MCF2L: variants seen among roughly 807,000 people sequenced by gnomAD.
The protein encoded by MCF2L is guanine nucleotide exchange factor DBS.
Under a neutral mutation model 153.4 loss-of-function variants are expected in MCF2L, and 97 were observed. The observed-to-expected ratio is 0.63, with a 90% confidence interval of 0.54 to 0.75. The LOEUF is 0.75. Ranked by LOEUF, MCF2L falls within the 30% of genes least tolerant of loss-of-function variation. The probability of loss-of-function intolerance (pLI) is 0.00; values close to 1 mark genes in which losing one functional copy is unlikely to be tolerated. For synonymous variants in MCF2L, 659 were observed against 632.2 expected (o/e 1.04, Z -0.64); for missense variants, 1,347 against 1,495.2 (o/e 0.90, Z 1.64).
intron 7 of MCF2L, 136 bp downstream of exon 7, chr13:113,065,221 G>C: frequency 9.4e-7 from 1 of 1,058,346 alleles, no homozygotes; most frequent in African/African-American, 1.6e-5. Context: ...AGACCAAGAA[G>C]TCAGCAGGCT....
chr13:113,078,040 C>A (rs897712626), intron 13 of MCF2L, among the ~76,000 whole-genome samples: 2 of 152,226 alleles, frequency 1.3e-5, no homozygotes, highest in Non-Finnish European at 2.9e-5. Flanking sequence ...CGTCCTCCCC[C>A]TTCCCGCACC....
chr13:113,084,146 C>T (rs1390979799), intron 18 of MCF2L, 79 bp downstream of exon 18: 2 of 1,139,804 alleles, frequency 1.8e-6, no homozygotes, highest in Non-Finnish European at 2.7e-6. Flanking sequence ...ACTGCAAGTT[C>T]CTATTCTAAC....
intron 1 of MCF2L, among the ~76,000 whole-genome samples, chr13:112,999,412 A>G (rs2083270755): frequency 6.6e-6 from 1 of 152,232 alleles, no homozygotes; most frequent in South Asian, 2.1e-4. Flanking sequence ...CTTAGAGGAC[A>G]GCCTCTGGCA....
upstream of MCF2L, among the ~76,000 whole-genome samples, chr13:112,967,333 C>T (rs894407087): frequency 6.6e-5 from 10 of 152,110 alleles, no homozygotes; most frequent in African/African-American, 2.2e-4. Context: ...GCCCAGGGAA[C>T]GCTTGTCCAC....
At chr13:113,086,709 C>G (rs974528204) in intron 21 of MCF2L, among the ~76,000 whole-genome samples, 1 of 152,076 alleles carries the variant, frequency 6.6e-6, no homozygotes, top group Non-Finnish European at 1.5e-5. Context: ...ATCTTTTGTC[C>G]GTCTTTATGT....
At chr13:113,007,025 C>T (rs1281496231) in intron 1 of MCF2L, among the ~76,000 whole-genome samples, 1 of 152,158 alleles carries the variant, frequency 6.6e-6, no homozygotes, top group Non-Finnish European at 1.5e-5. Flanking sequence ...CGTCCCTCAT[C>T]CTGAAACCCG....
intron 4 of MCF2L, among the ~76,000 whole-genome samples, chr13:113,059,600 C>T (rs2031023006): frequency 1.3e-5 from 2 of 152,202 alleles, no homozygotes; most frequent in Non-Finnish European, 2.9e-5. Flanking sequence ...CATCACTGCA[C>T]GTCTGTCATC....
intron 1 of MCF2L, among the ~76,000 whole-genome samples, chr13:113,000,951 C>G (rs1308055428): frequency 6.6e-6 from 1 of 152,102 alleles, no homozygotes; most frequent in Admixed American, 6.5e-5. Flanking sequence ...GACTCCAGCA[C>G]TGGGTGTGAT....
chr13:112,968,099 T>G, upstream of MCF2L: 1 of 159,360 alleles, frequency 6.3e-6, no homozygotes, highest in Middle Eastern at 2.7e-3. Flanking sequence ...CTGCTGGAAT[T>G]CTCTCTCTCT....
chr13:112,935,252 G>A (rs1226650769), intron 2 of MCF2L, among the ~76,000 whole-genome samples: 1 of 152,102 alleles, frequency 6.6e-6, no homozygotes, highest in East Asian at 1.9e-4. Flanking sequence ...TAAATTACAT[G>A]AGATATTCCA....
At chr13:113,014,384 T>G (rs761324508) in intron 1 of MCF2L, among the ~76,000 whole-genome samples, 11 of 152,120 alleles carry the variant, frequency 7.2e-5, no homozygotes, top group Non-Finnish European at 1.5e-4. Flanking sequence ...GCCTGAACAT[T>G]TTCCCTAATG....
chr13:113,074,573 G>A lies in MCF2L; in HGVS notation c.1116+10G>A, dbSNP rs61966397. ...CGAGGAGAAATCAGGCGTAAGGCGGGGTCCCGGCGGGGGCGGCGGGAGAGT... is the reference window on the plus strand; with the variant it reads ...CGAGGAGAAATCAGGCGTAAGGCGGAGTCCCGGCGGGGGCGGCGGGAGAGT... On this transcript the variant is annotated intron_variant, in intron 10 of 29. Coordinates refer to ENST00000535094, the MANE Select transcript of MCF2L (RefSeq NM_001112732.3). This position sits in a 1 kb window ranked among gnomAD's most constrained non-coding sequence, Gnocchi z 4.2. The A allele has an allele frequency of 4.4e-4, 707 of 1,611,976 alleles. 4 individuals carry two copies. The African/African-American group carries it at 8.8e-3, about 20-fold the overall frequency.
rs557932134 is a variant in MCF2L at position 112,982,455 on chromosome 13, G to A, written c.79+12997G>A. On this transcript the variant is annotated intron_variant, in intron 1 of 29. Transcript: ENST00000535094. ...TAGGGATGGAGCGAGCCCAGGCTCC[G>A]TGGCAGGTGGCCGGGGGCATCTCCC... Among the ~76,000 whole-genome samples, 16 of 152,328 alleles carry A rather than the reference G, an allele frequency of 1.1e-4. No homozygotes were observed. The East Asian group carries it at 1.4e-3, about 13-fold the overall frequency.
chr13:113,013,396 TC>T (rs1057183342), intron 1 of MCF2L, among the ~76,000 whole-genome samples: 1 of 151,468 alleles, frequency 6.6e-6, no homozygotes, highest in Non-Finnish European at 1.5e-5. Flanking sequence ...CCCTGCTGCT[TC>T]CCCCCCAACA....
chr13:112,906,111 C>A (rs768469022), intron 2 of MCF2L, among the ~76,000 whole-genome samples: 7 of 152,188 alleles, frequency 4.6e-5, no homozygotes, highest in Non-Finnish European at 1.0e-4. Flanking sequence ...CCAGCTCGCT[C>A]GGTGCGGTCT....
At chr13:112,984,730 A>C (rs1281934596) in intron 1 of MCF2L, among the ~76,000 whole-genome samples, 1 of 151,996 alleles carries the variant, frequency 6.6e-6, no homozygotes, top group Admixed American at 6.5e-5. Flanking sequence ...GCACAAACAA[A>C]AGCTGTTCTT....
At chr13:112,927,099 C>T (rs1329783029) in intron 2 of MCF2L, among the ~76,000 whole-genome samples, 1 of 152,202 alleles carries the variant, frequency 6.6e-6, no homozygotes, top group Non-Finnish European at 1.5e-5. Context: ...CTGCCTCTTG[C>T]TAATCAGAAG....
intron 1 of MCF2L, among the ~76,000 whole-genome samples, chr13:112,996,732 C>A (rs896454302): frequency 2.8e-4 from 42 of 152,378 alleles, no homozygotes; most frequent in African/African-American, 1.0e-3. Context: ...GGCATCCAGG[C>A]TCCTGGTGAG....
chr13:113,063,411 C>T (rs1223690616), intron 5 of MCF2L, among the ~76,000 whole-genome samples: 1 of 151,120 alleles, frequency 6.6e-6, no homozygotes, highest in East Asian at 2.0e-4. Context: ...GGTGTCCAGA[C>T]ACCCCTGTCC....
Sources: allele counts gnomAD v4.1 joint callset (sites outside exome capture counted in the v4.1 genomes callset), GRCh38; gene constraint gnomAD v4.1.1; non-coding constraint Gnocchi (gnomAD v3.1); transcripts MANE v1.5; gene names NCBI Gene and HGNC (gene_info 2026-07-23, HGNC 2026-07-21).